The following CMTR1 variants were observed in gnomAD, a reference collection of about 807,000 sequenced individuals.
The protein encoded by CMTR1 is cap methyltransferase 1, also known as cap-specific mRNA (nucleoside-2'-O-)-methyltransferase 1.
Under a neutral mutation model 107.0 loss-of-function variants are expected in CMTR1, and 39 were observed. The ratio of observed to expected loss-of-function variants is 0.36; its 90% CI spans 0.28 to 0.48. CMTR1 has a LOEUF of 0.48. CMTR1 is among the 20% of genes least tolerant of loss of function. The pLI, the probability that CMTR1 is intolerant of heterozygous loss-of-function variation, is 0.99. For synonymous variants in CMTR1, 366 were observed against 379.5 expected (o/e 0.96, Z 0.41); for missense variants, 672 against 1,064.9 (o/e 0.63, Z 5.14).
intron 13 of CMTR1, among the ~76,000 whole-genome samples, chr6:37,464,335 C>T (rs866874366): frequency 1.3e-5 from 2 of 151,848 alleles, no homozygotes; most frequent in Non-Finnish European, 2.9e-5. Context: ...GGCGTGGTGG[C>T]GGGCGCCTGT....
chr6:37,458,620 G>C lies in CMTR1; in HGVS notation c.786G>C (p.Leu262=). The C allele has an allele frequency of 6.2e-7, 1 of 1,613,296 alleles. No homozygotes were observed. The highest frequency in any genetic ancestry group is 8.5e-7 in the Non-Finnish European group (1 of 1,180,008). The part of the protein sequence containing the change: ...TNPRDSYGKP[L]VKDREAELLY... Reference sequence around the variant, plus strand: ...TCCACTTGCCTTTGCAGAAGCCACTGGTGAAGGACCGGGAAGCTGAGCTTC... The same window carrying C: ...TCCACTTGCCTTTGCAGAAGCCACTCGTGAAGGACCGGGAAGCTGAGCTTC... The change falls in exon 9 of 24, where the codon CTG becomes CTC. Residue 262 remains leucine (L), a synonymous_variant. Transcript: ENST00000373451. This position sits in a 1 kb window ranked among gnomAD's most constrained non-coding sequence, Gnocchi z 4.7.
At chr6:37,440,112 C>T (rs374436932) in intron 2 of CMTR1, among the ~76,000 whole-genome samples, 2 of 152,180 alleles carry the variant, frequency 1.3e-5, no homozygotes, top group South Asian at 4.1e-4. Flanking sequence ...AATCTTAAAA[C>T]CGTACATACT....
chr6:37,478,632 G>A, intron 22 of CMTR1, 111 bp downstream of exon 22: 1 of 811,190 alleles, frequency 1.2e-6, no homozygotes, highest in Non-Finnish European at 2.1e-6. Context: ...GCTAAGGTGG[G>A]TAGCAGCCAG....
Position 37,480,283 on chromosome 6 carries a change from C to G in CMTR1, c.*138C>G, listed in dbSNP as rs144207537. ...GCACCTGGCATGAGGAGTGGGTGGCCTCCTCTCCATCCCCTGAAGAGCTCA... is the reference window on the plus strand; with the variant it reads ...GCACCTGGCATGAGGAGTGGGTGGCGTCCTCTCCATCCCCTGAAGAGCTCA... On this transcript the variant is annotated 3_prime_UTR_variant, in exon 24 of 24. Transcript: ENST00000373451. 10 of 1,463,626 alleles carry G rather than the reference C, an allele frequency of 6.8e-6. No individual in the cohort carries two copies. Among genetic ancestry groups the G allele is most frequent in the African/African-American group, 5.9e-5 (4 of 67,716 alleles). 90.7% of individuals were successfully genotyped at this position (1,463,626 alleles called of 1,614,324 possible). A position where few individuals can be genotyped will look rare whatever the true frequency, so the allele number is the denominator to read the frequency against.
At chr6:37,478,013 C>T (rs1005203152) in intron 21 of CMTR1, among the ~76,000 whole-genome samples, 2 of 152,178 alleles carry the variant, frequency 1.3e-5, no homozygotes, top group Admixed American at 6.5e-5. Flanking sequence ...GGCATAAATG[C>T]GTCCTTATAT....
At chr6:37,463,768 C>A (rs1177355493) in intron 13 of CMTR1, among the ~76,000 whole-genome samples, 1 of 152,144 alleles carries the variant, frequency 6.6e-6, no homozygotes. Flanking sequence ...ATCCTATTCT[C>A]TCCTATTTTT....
chr6:37,448,747 C>A (rs140078074), intron 4 of CMTR1, among the ~76,000 whole-genome samples: 140 of 152,238 alleles, frequency 9.2e-4, no homozygotes, highest in African/African-American at 3.3e-3. Flanking sequence ...GCTTGGGAGC[C>A]AATATGTGAA....
chr6:37,459,480 C>A, intron 9 of CMTR1, 86 bp from the exon 10 acceptor site: 1 of 1,111,362 alleles, frequency 9.0e-7, no homozygotes, highest in Non-Finnish European at 1.4e-6. Flanking sequence ...ACCTGATGCC[C>A]GTCTTCACTG....
chr6:37,471,141 C>G (rs1472890130), intron 14 of CMTR1, 64 bp downstream of exon 14: 1 of 1,423,068 alleles, frequency 7.0e-7, no homozygotes, highest in Non-Finnish European at 9.6e-7. Context: ...TTCCTCCCCA[C>G]AAGCTGTTTG....
upstream of CMTR1, among the ~76,000 whole-genome samples, chr6:37,432,069 C>G (rs1771391541): frequency 6.6e-6 from 1 of 152,316 alleles, no homozygotes; most frequent in South Asian, 2.1e-4. Context: ...CCATCCGCCT[C>G]AGCCTCCCCA....
chr6:37,429,698 G>A (rs954332075), upstream of CMTR1, among the ~76,000 whole-genome samples: 7 of 152,300 alleles, frequency 4.6e-5, no homozygotes, highest in East Asian at 1.2e-3. Flanking sequence ...ATATACTCTC[G>A]GGAGGCCAAG....
chr6:37,470,304 G>A (rs1464143535), intron 13 of CMTR1, among the ~76,000 whole-genome samples: 8 of 152,046 alleles, frequency 5.3e-5, no homozygotes, highest in Admixed American at 3.3e-4. Context: ...CCGCCACCAC[G>A]CCCGGCTGAT....
At chr6:37,464,892 C>CTGTGTGTGTGTGTGTGTG (rs61375488) in intron 13 of CMTR1, among the ~76,000 whole-genome samples, 1 of 148,348 alleles carries the variant, frequency 6.7e-6, no homozygotes, top group Middle Eastern at 3.4e-3. Context: ...TTCTAAAACG[C>CTGTGTGTGTGTGTGTGTG]TGTGTGTGTG....
At chr6:37,442,123 C>G (rs931782017) in intron 2 of CMTR1, among the ~76,000 whole-genome samples, 2 of 152,212 alleles carry the variant, frequency 1.3e-5, no homozygotes, top group Non-Finnish European at 2.9e-5. Flanking sequence ...TTTTTAAGCT[C>G]TCTAAGGGTT....
chr6:37,462,771 A>G (rs2113881794), intron 12 of CMTR1, 58 bp from the exon 13 acceptor site: 1 of 1,540,940 alleles, frequency 6.5e-7, no homozygotes, highest in Non-Finnish European at 8.9e-7. Context: ...GTTGGGGGAA[A>G]AGGAATGTAT....
At chr6:37,442,745 A>C (rs1307696722) in intron 2 of CMTR1, among the ~76,000 whole-genome samples, 1 of 152,230 alleles carries the variant, frequency 6.6e-6, no homozygotes, top group Non-Finnish European at 1.5e-5. Context: ...AAATGGATGG[A>C]TCACTTAAGA....
In CMTR1 at chr6:37,458,294, T is replaced by C. The variant is rs1192035942; in HGVS notation, c.778-318T>C. Among the ~76,000 whole-genome samples, 1 of 152,122 alleles carries C rather than the reference T, an allele frequency of 6.6e-6. No individual in the cohort carries two copies. Among genetic ancestry groups the C allele is most frequent in the Non-Finnish European group, 1.5e-5 (1 of 68,020 alleles). On this transcript the variant is annotated intron_variant, in intron 8 of 23. Transcript: ENST00000373451. The surrounding 1 kb of genome is among the most constrained non-coding windows in gnomAD (Gnocchi z 4.7). ...TGGTCTCAAACCCCTGACCTCAGGC[T>C]ATCTGCCTCTCTGGCCTCCCAAAGT...
rs1203578189 is a variant in CMTR1, at chr6:37,477,604, G to A, written c.2118G>A (p.Val706=). ...CCTCTACCTGCAGGGTGAAGGAGGT[G>A]TACAGACTGGAAGAGATGGAGAAGA... is the stretch of plus-strand genomic sequence containing the variant. The part of the protein sequence containing the change: ...PDMNPIRVKE[V]YRLEEMEKIF... The change falls in exon 21 of 24, where the codon GTG becomes GTA. Residue 706 remains valine (V), a synonymous_variant. Coordinates refer to ENST00000373451, the MANE Select transcript of CMTR1 (RefSeq NM_015050.3). 18 of 1,613,776 alleles carry A rather than the reference G, an allele frequency of 1.1e-5. No individual in the cohort carries two copies. The highest frequency in any genetic ancestry group is 1.5e-5 in the Non-Finnish European group (18 of 1,179,718).
intron 18 of CMTR1, 74 bp from the exon 19 acceptor site, chr6:37,475,247 C>T: frequency 8.6e-7 from 1 of 1,168,556 alleles, no homozygotes; most frequent in Non-Finnish European, 1.3e-6. Context: ...ATGGAGCCAG[C>T]ATGCCATGGT....
Sources: gnomAD v4.1 joint callset for allele counts (sites outside exome capture counted in the v4.1 genomes callset) on GRCh38, gnomAD v4.1.1 for gene constraint, Gnocchi (gnomAD v3.1) non-coding constraint, MANE v1.5 for transcripts, NCBI Gene and HGNC (gene_info 2026-07-23, HGNC 2026-07-21) for gene names.